Variants in WWP2 observed in about 807,000 individuals in gnomAD.
The protein encoded by WWP2 is WW domain containing E3 ubiquitin protein ligase 2.
A neutral mutation model predicts 121.0 loss-of-function variants in WWP2; 57 were observed. The ratio of observed to expected loss-of-function variants is 0.47; its 90% CI spans 0.38 to 0.59. WWP2 has a LOEUF of 0.59. WWP2 is among the 20% of genes least tolerant of loss of function. The pLI is 0.00. For synonymous variants in WWP2, 449 were observed against 441.3 expected, an observed-to-expected ratio of 1.02 and a Z score of -0.22; for missense variants, 962 against 1,158.9, an observed-to-expected ratio of 0.83 and a Z score of 2.47.
chr16:69,934,998 G>A (rs754277501), intron 17 of WWP2, among the ~76,000 whole-genome samples: 1 of 152,118 alleles, frequency 6.6e-6, no homozygotes, highest in Non-Finnish European at 1.5e-5. Context: ...GGGCGTCCCA[G>A]CGTCTGTATT....
intron 6 of WWP2, among the ~76,000 whole-genome samples, chr16:69,846,070 A>AAAAAAAG (rs58504050): frequency 1.4e-4 from 21 of 149,744 alleles, no homozygotes; most frequent in African/African-American, 4.9e-4. Context: ...AAAAAAAAAA[A>AAAAAAAG]GAATACTTAT....
At chr16:69,886,487 C>T (rs1182641176) in intron 7 of WWP2, among the ~76,000 whole-genome samples, 1 of 151,546 alleles carries the variant, frequency 6.6e-6, no homozygotes, top group African/African-American at 2.4e-5. Flanking sequence ...GGGCCAGGTG[C>T]CCTGGCTCAT....
At chr16:69,848,340 C>T (rs2057125454) in intron 6 of WWP2, among the ~76,000 whole-genome samples, 1 of 151,834 alleles carries the variant, frequency 6.6e-6, no homozygotes. Flanking sequence ...ATCCCGGCTA[C>T]GTGGGGAGCT....
intron 9 of WWP2, among the ~76,000 whole-genome samples, chr16:69,912,354 T>G (rs1286136855): frequency 1.5e-5 from 2 of 136,312 alleles, no homozygotes; most frequent in Non-Finnish European, 3.1e-5. Context: ...TGGAAGTTTG[T>G]GCAGGGAGTT....
chr16:69,800,568 CTT>C (rs11308765), intron 4 of WWP2, among the ~76,000 whole-genome samples: 66 of 139,674 alleles, frequency 4.7e-4, no homozygotes, highest in Admixed American at 7.2e-4. Context: ...ATTGTTTTTT[CTT>C]TTTTTTTTTT....
intron 4 of WWP2, among the ~76,000 whole-genome samples, chr16:69,830,844 CTGGGG>C (rs1313631026): frequency 6.6e-6 from 1 of 152,180 alleles, no homozygotes; most frequent in African/African-American, 2.4e-5. Context: ...CTCTCTAGAC[CTGGGG>C]TGGACTCCAG....
intron 4 of WWP2, chr16:69,838,612 C>G (rs1216433209): frequency 1.4e-5 from 5 of 364,042 alleles, no homozygotes; most frequent in Non-Finnish European, 1.9e-5. Flanking sequence ...GGGGCTGGAG[C>G]AGCTGCTTCC....
chr16:69,792,048 T>C (rs1401235908), intron 2 of WWP2, among the ~76,000 whole-genome samples: 2 of 152,054 alleles, frequency 1.3e-5, no homozygotes, highest in African/African-American at 4.8e-5. Context: ...AAGAGAGAAA[T>C]AACCATTTAA....
At chr16:69,907,131 A>C (rs947681566) in intron 8 of WWP2, among the ~76,000 whole-genome samples, 4 of 152,216 alleles carry the variant, frequency 2.6e-5, no homozygotes, top group Non-Finnish European at 5.9e-5. Flanking sequence ...TGTGAGTATT[A>C]CTGTGAACTG....
intron 4 of WWP2, among the ~76,000 whole-genome samples, chr16:69,805,186 C>T (rs551044304): frequency 1.6e-4 from 25 of 152,022 alleles, no homozygotes; most frequent in African/African-American, 5.1e-4. Context: ...ATTACAGGCG[C>T]CCAACACCAT....
At chr16:69,909,011 C>A in intron 9 of WWP2, 161 bp downstream of exon 9, 1 of 1,437,284 alleles carries the variant, frequency 7.0e-7, no homozygotes. Flanking sequence ...AATATTGCTC[C>A]CATGTCTTAG....
At chr16:69,913,894 A>T (rs1003756183) in intron 9 of WWP2, among the ~76,000 whole-genome samples, 1 of 151,144 alleles carries the variant, frequency 6.6e-6, no homozygotes, top group Non-Finnish European at 1.5e-5. Context: ...ACATGGTGAA[A>T]CCCCCGTCTC....
chr16:69,823,939 A>G (rs1391973498), intron 4 of WWP2, among the ~76,000 whole-genome samples: 1 of 152,230 alleles, frequency 6.6e-6, no homozygotes, highest in African/African-American at 2.4e-5. Flanking sequence ...GCTGTTTCTC[A>G]TCAGCCGTGT....
At chr16:69,909,742 T>C (rs1012911315) in intron 9 of WWP2, 18 of 961,294 alleles carry the variant, frequency 1.9e-5, no homozygotes, top group Non-Finnish European at 2.2e-5. Flanking sequence ...GGTTAAGTGT[T>C]TTGTTATGAA....
At chr16:69,779,107 AC>A (rs929997495) in intron 1 of WWP2, among the ~76,000 whole-genome samples, 2 of 148,244 alleles carry the variant, frequency 1.3e-5, no homozygotes, top group African/African-American at 5.0e-5. Context: ...CCGCCACCAC[AC>A]CCGGCTAATT....
intron 6 of WWP2, among the ~76,000 whole-genome samples, chr16:69,867,375 T>C (rs1053097353): frequency 6.6e-6 from 1 of 152,162 alleles, no homozygotes. Context: ...AGGTGGAAGC[T>C]CCTTGAGGTC....
At chr16:69,918,995 C>G (rs560730168) in intron 10 of WWP2, among the ~76,000 whole-genome samples, 11 of 151,630 alleles carry the variant, frequency 7.3e-5, no homozygotes, top group Non-Finnish European at 1.3e-4. Context: ...AGGTGCCCAC[C>G]ACCACACCCG....
chr16:69,799,290 G>T lies in WWP2; in HGVS notation c.335G>T (p.Gly112Val). The T allele has an allele frequency of 3.7e-6, 6 of 1,613,108 alleles. No homozygotes were observed. Among genetic ancestry groups the T allele is most frequent in the Non-Finnish European group, 5.1e-6 (6 of 1,179,668 alleles). Residue 112 changes from glycine (G) to valine (V), a missense_variant, in exon 4 of 24, where the codon GGC becomes GTC. By Grantham distance (109) the Gly-to-Val change is moderately radical. Around this residue, in one of 3 missense-constraint regions of WWP2, gnomAD observed 145 missense variants for 189.8 expected, o/e 0.76. Transcript: ENST00000359154. The surrounding 1 kb of genome is among the most constrained non-coding windows in gnomAD (Gnocchi z 4.5). Reference protein sequence around the residue: ...NLSNVLKNNGGKMENMQLTLN... With the variant: ...NLSNVLKNNGVKMENMQLTLN... The stretch of plus-strand genomic sequence containing the variant: ...TCCAACGTCTTGAAGAACAATGGGG[G>T]CAAAAGTACGTATGATGAAGGGGGT...
Position 69,936,331 on chromosome 16 carries a change from T to C in WWP2, c.1996T>C (p.Cys666Arg), listed in dbSNP as rs768819897. 4 of 1,614,028 alleles carry C rather than the reference T, an allele frequency of 2.5e-6. No individual in the cohort carries two copies. The highest frequency in any genetic ancestry group is 3.4e-6 in the Non-Finnish European group (4 of 1,180,008). Residue 666 changes from cysteine (C) to arginine (R), a missense_variant, in exon 19 of 24, where the codon TGT becomes CGT. Cys to Arg is a radical substitution (Grantham distance 180, BLOSUM62 -3). Coordinates refer to ENST00000359154, the MANE Select transcript of WWP2 (RefSeq NM_001270454.2). ...VWIKENNLEE[C>R]GLELYFIQDM... Reference sequence around the variant, plus strand: ...CCCCAGAGAGAACAACCTGGAAGAATGTGGCCTGGAGCTGTACTTCATCCA... The same window carrying C: ...CCCCAGAGAGAACAACCTGGAAGAACGTGGCCTGGAGCTGTACTTCATCCA...
Sources: allele counts gnomAD v4.1 joint callset (sites outside exome capture counted in the v4.1 genomes callset), GRCh38; gene constraint gnomAD v4.1.1; regional missense constraint gnomAD v4.1.1; non-coding constraint Gnocchi (gnomAD v3.1); transcripts MANE v1.5; gene names NCBI Gene and HGNC (gene_info 2026-07-23, HGNC 2026-07-21).